MPV17L: variants seen among roughly 807,000 people sequenced by gnomAD.
MPV17L encodes mpv17-like protein.
A neutral mutation model predicts 25.8 loss-of-function variants in MPV17L; 24 were observed. The observed-to-expected ratio is 0.93, with a 90% CI of 0.67 to 1.31. MPV17L has a LOEUF of 1.31. MPV17L is among the 50% of genes most tolerant of loss of function. The probability of loss-of-function intolerance (pLI) is 0.00; values close to 1 mark genes in which losing one functional copy is unlikely to be tolerated. For synonymous variants in MPV17L, 102 were observed against 115.3 expected (o/e 0.88, Z 0.74); for missense variants, 250 against 265.6 (o/e 0.94, Z 0.41).
intron 1 of MPV17L, among the ~76,000 whole-genome samples, chr16:15,398,494 C>T (rs2050606180): frequency 6.6e-6 from 1 of 152,054 alleles, no homozygotes; most frequent in African/African-American, 2.4e-5. Context: ...GAGTTACTAA[C>T]AAGACTTGAA....
At chr16:15,405,858 A>G (rs1485925760) in intron 2 of MPV17L, among the ~76,000 whole-genome samples, 1 of 151,968 alleles carries the variant, frequency 6.6e-6, no homozygotes, top group Non-Finnish European at 1.5e-5. Context: ...GCACAACAAG[A>G]GCGAAACTCC....
chr16:15,402,988 C>G lies in MPV17L; in HGVS notation c.381+2131C>G, dbSNP rs1340335613. On this transcript the variant is annotated intron_variant, in intron 2 of 3. Coordinates refer to ENST00000396385, the MANE Select transcript of MPV17L (RefSeq NM_001128423.2). Reference sequence around the variant, plus strand: ...GAATCACCATACCCAGCCACTTCTTCTGTTTTACTTTAGAAAAAGGAACAA... The same window carrying G: ...GAATCACCATACCCAGCCACTTCTTGTGTTTTACTTTAGAAAAAGGAACAA... 2.6e-5 allele frequency among the ~76,000 whole-genome samples: 4 copies of G among 151,604 alleles called. No individual in the cohort carries two copies. In the East Asian group the frequency reaches 7.8e-4, roughly 29 times the overall value.
intron 2 of MPV17L, among the ~76,000 whole-genome samples, chr16:15,403,719 C>T (rs1292276572): frequency 3.3e-5 from 5 of 150,828 alleles, no homozygotes; most frequent in Non-Finnish European, 7.4e-5. Context: ...AAAGAAGCTT[C>T]AGGCAGGGAT....
Position 15,395,868 on chromosome 16 carries a change from C to T in MPV17L, c.-30C>T. 7.2e-7 allele frequency: 1 copy of T among 1,380,118 alleles called. No homozygotes were observed. 85.5% of individuals were successfully genotyped at this position (1,380,118 alleles called of 1,614,324 possible). A position where few individuals can be genotyped will look rare whatever the true frequency, so the allele number is the denominator to read the frequency against. On this transcript the variant is annotated 5_prime_UTR_variant, in exon 1 of 4. Coordinates refer to ENST00000396385, the MANE Select transcript of MPV17L (RefSeq NM_001128423.2). ...TGCAGGAAGACGCCGACCACGCGGG[C>T]TCCTGATCGCGGGCGCCCACAGCGC...
chr16:15,401,058 G>GTGTATATATATATATA (rs1322619970), intron 2 of MPV17L, among the ~76,000 whole-genome samples: 4 of 44,248 alleles, frequency 9.0e-5, no homozygotes, highest in Non-Finnish European at 1.5e-4. Flanking sequence ...ATGTGTGTGT[G>GTGTATATATATATATA]TATATATATA....
chr16:15,399,284 TA>T, intron 1 of MPV17L: 1 of 385,566 alleles, frequency 2.6e-6, no homozygotes, highest in Non-Finnish European at 5.0e-6. Flanking sequence ...AATTAACTAA[TA>T]AAGCTCTTAT....
chr16:15,401,090 T>A lies in MPV17L; in HGVS notation c.381+233T>A, dbSNP rs866486730. 5.3e-3 allele frequency among the ~76,000 whole-genome samples: 484 copies of A among 90,634 alleles called. 1 individual carries two copies. The highest frequency in any genetic ancestry group is 0.011 in the African/African-American group (271 of 24,194). 59.5% of individuals were successfully genotyped at this position (90,634 alleles called of 152,430 possible). A position where few individuals can be genotyped will look rare whatever the true frequency, so the allele number is the denominator to read the frequency against. ...TATATATATATATATATATATATTTTTTTTTTTTTTTTTTTTTTTTTAATT... is the reference window on the plus strand; with the variant it reads ...TATATATATATATATATATATATTTATTTTTTTTTTTTTTTTTTTTTAATT... On this transcript the variant is annotated intron_variant, in intron 2 of 3. Transcript: ENST00000396385.
chr16:15,405,869 G>A (rs902367938), intron 2 of MPV17L, among the ~76,000 whole-genome samples: 3 of 150,954 alleles, frequency 2.0e-5, no homozygotes, highest in Non-Finnish European at 2.9e-5. Context: ...GCGAAACTCC[G>A]TCTCAAAAAA....
At chr16:15,397,475 C>T (rs1292714144) in intron 1 of MPV17L, among the ~76,000 whole-genome samples, 1 of 152,114 alleles carries the variant, frequency 6.6e-6, no homozygotes, top group African/African-American at 2.4e-5. Context: ...AAATTCTTGT[C>T]ATCTTTGGAG....
rs2050574592 is a variant in MPV17L at position 15,395,942 on chromosome 16, C to G, written c.45C>G (p.His15Gln). The change falls in exon 1 of 4, where the codon CAC (histidine) becomes CAG (glutamine). Residue 15 changes from histidine (H) to glutamine (Q), a missense_variant. Transcript: ENST00000396385. The part of the protein sequence containing the change: ...WPALSRAARR[H>Q]PWPTNVLLYG... Reference sequence around the variant, plus strand: ...CGTTGTCGCGCGCGGCCCGGCGCCACCCGTGGCCCACCAACGTGCTGCTTT... The same window carrying G: ...CGTTGTCGCGCGCGGCCCGGCGCCAGCCGTGGCCCACCAACGTGCTGCTTT... The G allele has an allele frequency of 6.7e-7, 1 of 1,486,130 alleles. No individual in the cohort carries two copies. Among genetic ancestry groups the G allele is most frequent in the Admixed American group, 2.3e-5 (1 of 43,604 alleles). The allele number at this position is 1,486,130 out of a possible 1,614,324, so 92.1% of individuals were successfully genotyped here.
intron 2 of MPV17L, among the ~76,000 whole-genome samples, chr16:15,401,058 G>GTGTA (rs1322619970): frequency 1.1e-4 from 5 of 44,248 alleles, no homozygotes; most frequent in African/African-American, 5.2e-4. Flanking sequence ...ATGTGTGTGT[G>GTGTA]TATATATATA....
chr16:15,395,947 G>A lies in MPV17L; in HGVS notation c.50G>A (p.Trp17Ter). 1.3e-6 allele frequency: 2 copies of A among 1,489,624 alleles called. No homozygotes were observed. The highest frequency in any genetic ancestry group is 1.5e-5 in the African/African-American group (1 of 68,526). 92.3% of individuals were successfully genotyped at this position (1,489,624 alleles called of 1,614,324 possible). A position where few individuals can be genotyped will look rare whatever the true frequency, so the allele number is the denominator to read the frequency against. The part of the protein sequence containing the change: ...ALSRAARRHP[W>*]PTNVLLYGSL... ...TCGCGCGCGGCCCGGCGCCACCCGT[G>A]GCCCACCAACGTGCTGCTTTACGGC... is the stretch of plus-strand genomic sequence containing the variant. The change falls in exon 1 of 4, where the codon TGG becomes TAG. Residue 17 changes from tryptophan to a stop codon, truncating the protein, a stop_gained. Transcript: ENST00000396385. LOFTEE classifies it high-confidence loss of function.
rs1259965895 is a variant in MPV17L, at chr16:15,408,122, G to T, written c.*10G>T. On this transcript the variant is annotated 3_prime_UTR_variant, in exon 4 of 4. Transcript: ENST00000396385. Reference sequence around the variant, plus strand: ...GTACCCGAAGAAATGAGAAGTCAAGGACTCTCTTAAAGGGACCACATTTTT... The same window carrying T: ...GTACCCGAAGAAATGAGAAGTCAAGTACTCTCTTAAAGGGACCACATTTTT... 4 of 1,573,696 alleles carry T rather than the reference G, an allele frequency of 2.5e-6. 1 individual carries two copies. The South Asian group carries it at 4.6e-5, about 18-fold the overall frequency.
chr16:15,411,648 T>A lies in MPV17L; in HGVS notation c.*3536T>A, dbSNP rs1207379450. The stretch of plus-strand genomic sequence containing the variant: ...CTCTTGAAGGAGAGAGCAAAAGAGA[T>A]TTAAATAATAACAATTATAAGAAGG... On this transcript the variant is annotated 3_prime_UTR_variant, in exon 4 of 4. Transcript: ENST00000396385. The A allele has an allele frequency of 6.6e-6, 1 of 151,988 alleles. No homozygotes were observed. Among genetic ancestry groups the A allele is most frequent in the South Asian group, 2.1e-4 (1 of 4,822 alleles). 9.4% of individuals were successfully genotyped at this position (151,988 alleles called of 1,614,324 possible).
At chr16:15,402,835 C>T (rs1203855945) in intron 2 of MPV17L, among the ~76,000 whole-genome samples, 2 of 152,036 alleles carry the variant, frequency 1.3e-5, no homozygotes, top group Non-Finnish European at 1.5e-5. Flanking sequence ...TGCACCACCA[C>T]ATCCAGCTAA....
intron 1 of MPV17L, among the ~76,000 whole-genome samples, chr16:15,399,811 A>C (rs1187597947): frequency 6.6e-6 from 1 of 152,000 alleles, no homozygotes; most frequent in South Asian, 2.1e-4. Flanking sequence ...AGTCAGGAGC[A>C]CAGTGGTGCA....
At chr16:15,401,627 C>G (rs1259668461) in intron 2 of MPV17L, among the ~76,000 whole-genome samples, 1 of 152,058 alleles carries the variant, frequency 6.6e-6, no homozygotes, top group Non-Finnish European at 1.5e-5. Context: ...TGAAACCAGC[C>G]TGGCCAATAT....
chr16:15,396,046 G>C lies in MPV17L; in HGVS notation c.149G>C (p.Arg50Pro). The C allele has an allele frequency of 6.5e-6, 10 of 1,535,830 alleles. No individual in the cohort carries two copies. The highest frequency in any genetic ancestry group is 8.7e-6 in the Non-Finnish European group (10 of 1,145,622). The change falls in exon 1 of 4, where the codon CGC becomes CCC. Residue 50 changes from arginine to proline, a missense_variant. Transcript: ENST00000396385. ...GREANWRQTR[R>P]VATLVVTFHA... ...GAGGCCAACTGGCGCCAGACGCGGCGCGTGGCCACGTTGGTGGTGACCTTC... is the reference window on the plus strand; with the variant it reads ...GAGGCCAACTGGCGCCAGACGCGGCCCGTGGCCACGTTGGTGGTGACCTTC...
chr16:15,399,927 C>G (rs1029229568), intron 1 of MPV17L, among the ~76,000 whole-genome samples: 2 of 152,080 alleles, frequency 1.3e-5, no homozygotes, highest in African/African-American at 4.8e-5. Flanking sequence ...GCCTCAGCCT[C>G]TCAAGAACCT....
Sources: gnomAD v4.1 joint callset for allele counts (sites outside exome capture counted in the v4.1 genomes callset) on GRCh38, gnomAD v4.1.1 for gene constraint, MANE v1.5 for transcripts, NCBI Gene and HGNC (gene_info 2026-07-23, HGNC 2026-07-21) for gene names.